The following ACAD11 variants were observed in gnomAD, a reference collection of about 807,000 sequenced individuals.
The protein encoded by ACAD11 is acyl-Coenzyme A dehydrogenase family, member 11.
ACAD11 carries 83 observed loss-of-function variants against 102.2 expected under a neutral mutation model. That is an observed-to-expected ratio of 0.81 (90% CI 0.68 to 0.97). The LOEUF (loss-of-function observed/expected upper bound fraction) is 0.97, where lower values mean the gene tolerates loss of function less well. Among genes scored for constraint, ACAD11 ranks in the 50% least tolerant of loss-of-function variants. ACAD11 has a pLI of 0.00. For synonymous variants in ACAD11, 324 were observed against 319.8 expected, an observed-to-expected ratio of 1.01 and a Z score of -0.14; for missense variants, 901 against 951.7, an observed-to-expected ratio of 0.95 and a Z score of 0.70.
intron 1 of ACAD11, among the ~76,000 whole-genome samples, chr3:132,645,271 T>C (rs779271701): frequency 1.3e-5 from 2 of 152,204 alleles, no homozygotes; most frequent in African/African-American, 4.8e-5. Flanking sequence ...AGAAAATGAA[T>C]TAAAAGATGC....
At chr3:132,631,596 G>A in intron 5 of ACAD11, 117 bp from the exon 6 acceptor site, 3 of 796,398 alleles carry the variant, frequency 3.8e-6, no homozygotes, top group Non-Finnish European at 5.2e-6. Context: ...TCAATTTCAG[G>A]TCTTTACCCA....
chr3:132,574,194 C>G (rs1937460158), intron 17 of ACAD11, among the ~76,000 whole-genome samples: 1 of 152,208 alleles, frequency 6.6e-6, no homozygotes, highest in Admixed American at 6.5e-5. Context: ...GTCGACTTTA[C>G]TGTGTCCTCC....
intron 1 of ACAD11, among the ~76,000 whole-genome samples, chr3:132,645,303 C>A (rs553144209): frequency 2.0e-5 from 3 of 152,290 alleles, no homozygotes; most frequent in African/African-American, 7.2e-5. Context: ...GCTTAATGCC[C>A]CCTCATCTGC....
chr3:132,569,556 G>A (rs1295517921), intron 17 of ACAD11, among the ~76,000 whole-genome samples: 1 of 152,050 alleles, frequency 6.6e-6, no homozygotes, highest in Admixed American at 6.6e-5. Flanking sequence ...ACCCAAACCT[G>A]GAAACAACCC....
chr3:132,626,917 A>C (rs1559965600), intron 8 of ACAD11, 100 bp from the exon 9 acceptor site: 2 of 1,187,112 alleles, frequency 1.7e-6, no homozygotes, highest in Admixed American at 2.8e-5. Context: ...CTACCCAAAA[A>C]ACATCCCCCA....
At chr3:132,579,273 T>A (rs1937565218) in intron 14 of ACAD11, 1 of 627,520 alleles carries the variant, frequency 1.6e-6, no homozygotes, top group East Asian at 3.1e-5. Flanking sequence ...TTTCTAATAC[T>A]GAAAATTCCA....
chr3:132,612,212 A>G (rs1939185489), intron 11 of ACAD11, among the ~76,000 whole-genome samples: 1 of 152,092 alleles, frequency 6.6e-6, no homozygotes, highest in Admixed American at 6.6e-5. Flanking sequence ...TACACCTTAT[A>G]CAAAAATTAA....
intron 13 of ACAD11, among the ~76,000 whole-genome samples, chr3:132,580,542 C>T (rs1427232826): frequency 6.6e-6 from 1 of 151,856 alleles, no homozygotes; most frequent in Non-Finnish European, 1.5e-5. Context: ...TACTTAGATC[C>T]TAATTCAATC....
intron 4 of ACAD11, among the ~76,000 whole-genome samples, chr3:132,641,190 C>T (rs747540833): frequency 1.3e-5 from 2 of 152,090 alleles, no homozygotes; most frequent in Admixed American, 6.5e-5. Context: ...TAACACAGTA[C>T]TCAGCAGGTA....
chr3:132,623,119 C>T (rs564300110), intron 9 of ACAD11, among the ~76,000 whole-genome samples: 1 of 152,234 alleles, frequency 6.6e-6, no homozygotes, highest in South Asian at 2.1e-4. Context: ...GGGTTATGCT[C>T]TCACTTTATA....
chr3:132,652,657 A>G (rs925296103), intron 1 of ACAD11, among the ~76,000 whole-genome samples: 3 of 152,194 alleles, frequency 2.0e-5, no homozygotes, highest in African/African-American at 7.2e-5. Context: ...CAATAAACAG[A>G]TCATGAGAAA....
intron 13 of ACAD11, among the ~76,000 whole-genome samples, chr3:132,593,346 G>T (rs537260599): frequency 1.3e-5 from 2 of 152,042 alleles, no homozygotes; most frequent in African/African-American, 2.4e-5. Flanking sequence ...GAGGAAATAA[G>T]AATAATAAAA....
At chr3:132,599,800 T>C (rs1271064392) in intron 13 of ACAD11, among the ~76,000 whole-genome samples, 5 of 152,172 alleles carry the variant, frequency 3.3e-5, no homozygotes, top group African/African-American at 9.6e-5. Context: ...TGGAGGGAAG[T>C]TGGCTAAAGG....
rs148326777 is a variant in ACAD11, at chr3:132,575,809, G to A, written c.1964C>T (p.Thr655Ile). Reference sequence around the variant, plus strand: ...CTTCTTCTTGAAAGCTATCCTTTGTGTTGCCCGCTCACACATGATCTGCAA... The same window carrying A: ...CTTCTTCTTGAAAGCTATCCTTTGTATTGCCCGCTCACACATGATCTGCAA... ...RALQIMCERA[T>I]QRIAFKKKLY... The change falls in exon 17 of 20, where the codon ACA (threonine) becomes ATA (isoleucine). Residue 655 changes from threonine (T) to isoleucine (I), a missense_variant. Transcript: ENST00000264990. 374 of 1,614,012 alleles carry A rather than the reference G, an allele frequency of 2.3e-4. 3 individuals are homozygous for A. In the African/African-American group the frequency reaches 4.5e-3, roughly 19 times the overall value.
intron 17 of ACAD11, among the ~76,000 whole-genome samples, chr3:132,569,491 A>G (rs1464216316): frequency 6.6e-6 from 1 of 152,192 alleles, no homozygotes; most frequent in Non-Finnish European, 1.5e-5. Context: ...AGAAACGAAA[A>G]ATTATATTTA....
intron 17 of ACAD11, among the ~76,000 whole-genome samples, chr3:132,563,202 A>T (rs1327492283): frequency 1.3e-5 from 2 of 152,194 alleles, no homozygotes; most frequent in Non-Finnish European, 2.9e-5. Context: ...TTGCTCACTG[A>T]TTACTGTAGT....
chr3:132,642,601 G>A (rs1235323439), intron 3 of ACAD11, 76 bp downstream of exon 3: 1 of 1,381,532 alleles, frequency 7.2e-7, no homozygotes, highest in Non-Finnish European at 9.9e-7. Flanking sequence ...CATTTATTAA[G>A]TATCATAATA....
chr3:132,650,692 A>C (rs1940896383), intron 1 of ACAD11, among the ~76,000 whole-genome samples: 2 of 152,170 alleles, frequency 1.3e-5, no homozygotes. Context: ...GTGAGTCCAG[A>C]CTACTTAACT....
intron 1 of ACAD11, among the ~76,000 whole-genome samples, chr3:132,649,075 G>A (rs1478660160): frequency 2.0e-5 from 3 of 152,210 alleles, no homozygotes; most frequent in African/African-American, 7.2e-5. Flanking sequence ...ATAAACCAGG[G>A]GCACAATGCA....
Sources: gnomAD v4.1 joint callset for allele counts (sites outside exome capture counted in the v4.1 genomes callset) on GRCh38, gnomAD v4.1.1 for gene constraint, MANE v1.5 for transcripts, NCBI Gene and HGNC (gene_info 2026-07-23, HGNC 2026-07-21) for gene names.